Variants in KIAA0825 observed in about 807,000 individuals in gnomAD.
The protein encoded by KIAA0825 is KIAA0825.
KIAA0825 carries 119 observed loss-of-function variants against 147.6 expected under a neutral mutation model. The observed-to-expected ratio is 0.81, with a 90% CI of 0.69 to 0.94. The LOEUF is 0.94. KIAA0825 is among the 40% of genes least tolerant of loss of function. KIAA0825 has a pLI of 0.00. For missense variants in KIAA0825, 1,381 were observed against 1,472.7 expected (o/e 0.94, Z 1.02); for synonymous variants, 470 against 518.1 (o/e 0.91, Z 1.26).
chr5:94,271,653 C>T (rs965613736), intron 20 of KIAA0825, among the ~76,000 whole-genome samples: 5 of 152,006 alleles, frequency 3.3e-5, no homozygotes, highest in East Asian at 3.9e-4. Context: ...GAGGCTGAGG[C>T]GGGAGAATCG....
intron 20 of KIAA0825, among the ~76,000 whole-genome samples, chr5:94,285,429 T>A (rs1035965512): frequency 6.6e-6 from 1 of 152,174 alleles, no homozygotes; most frequent in South Asian, 2.1e-4. Context: ...AGAAATCTAG[T>A]CCATTCTCAT....
chr5:94,591,090 A>G (rs1299769765), intron 1 of KIAA0825, among the ~76,000 whole-genome samples: 1 of 152,202 alleles, frequency 6.6e-6, no homozygotes, highest in Non-Finnish European at 1.5e-5. Context: ...AAGAAGTTAT[A>G]TTATGGAGAA....
chr5:94,171,007 C>A (rs1204176490), intron 20 of KIAA0825, among the ~76,000 whole-genome samples: 1 of 152,116 alleles, frequency 6.6e-6, no homozygotes, highest in African/African-American at 2.4e-5. Flanking sequence ...CCTAAGGAGC[C>A]AAAAATCCCT....
At chr5:94,518,720 G>A (rs980821381) in intron 5 of KIAA0825, among the ~76,000 whole-genome samples, 8 of 152,086 alleles carry the variant, frequency 5.3e-5, no homozygotes, top group African/African-American at 1.9e-4. Context: ...TCAGATAAAG[G>A]AGCTTGGGAA....
intron 5 of KIAA0825, among the ~76,000 whole-genome samples, chr5:94,512,096 T>G (rs186427443): frequency 8.9e-4 from 135 of 152,248 alleles, no homozygotes; most frequent in African/African-American, 3.1e-3. Flanking sequence ...ATGAAAAATA[T>G]TCTATCATAA....
At chr5:94,614,997 T>C (rs994991877) in intron 1 of KIAA0825, among the ~76,000 whole-genome samples, 2 of 151,688 alleles carry the variant, frequency 1.3e-5, no homozygotes, top group African/African-American at 2.4e-5. Context: ...AGCAATCCTA[T>C]GGATCCATTT....
At chr5:94,500,135 G>A (rs1228526185) in intron 5 of KIAA0825, among the ~76,000 whole-genome samples, 1 of 152,096 alleles carries the variant, frequency 6.6e-6, no homozygotes, top group African/African-American at 2.4e-5. Context: ...GATGAGACTA[G>A]AGAATGCAGG....
intron 20 of KIAA0825, among the ~76,000 whole-genome samples, chr5:94,366,326 T>C (rs904635877): frequency 2.0e-5 from 3 of 152,194 alleles, no homozygotes; most frequent in Admixed American, 6.5e-5. Context: ...ATAGGCAGCA[T>C]CAGCTTCCTG....
In KIAA0825 at chr5:94,396,154, C is replaced by A; in HGVS notation, c.3243G>T (p.Lys1081Asn). 1 of 1,534,692 alleles carries A rather than the reference C, an allele frequency of 6.5e-7. No individual in the cohort carries two copies. The highest frequency in any genetic ancestry group is 8.8e-7 in the Non-Finnish European group (1 of 1,141,196). The part of the protein sequence containing the change: ...QKVIQSIEQQ[K>N]PNWIERQLLK... ...ACAATTGACGTTCAATCCAGTTGGG[C>A]TTCTGCTGCTCAATGCTCTGTATGA... Residue 1081 changes from lysine to asparagine, a missense_variant, in exon 17 of 21, where the codon AAG becomes AAT. Coordinates refer to ENST00000682413, the MANE Select transcript of KIAA0825 (RefSeq NM_001145678.3).
At chr5:94,599,396 C>A (rs1785935839) in intron 1 of KIAA0825, among the ~76,000 whole-genome samples, 1 of 136,332 alleles carries the variant, frequency 7.3e-6, no homozygotes. Flanking sequence ...ATGAGGGTTC[C>A]ATGAAAAGTT....
In KIAA0825 at chr5:94,391,683, G is replaced by T; in HGVS notation, c.3308C>A (p.Thr1103Lys). ...RKLSTECAFMTIEKSTALQEG... is the reference protein window; with the variant it reads ...RKLSTECAFMKIEKSTALQEG... Reference sequence around the variant, plus strand: ...TTGTAAGGCCGTGCTTTTCTCTATTGTCATAAATGCACTAAATACAAAGAA... The same window carrying T: ...TTGTAAGGCCGTGCTTTTCTCTATTTTCATAAATGCACTAAATACAAAGAA... Residue 1103 changes from threonine (T) to lysine (K), a missense_variant, in exon 18 of 21, where the codon ACA (threonine) becomes AAA (lysine). By Grantham distance (78) the Thr-to-Lys change is moderately conservative (BLOSUM62 -1). Coordinates refer to ENST00000682413, the MANE Select transcript of KIAA0825 (RefSeq NM_001145678.3). 2.6e-6 allele frequency: 4 copies of T among 1,540,878 alleles called. No individual in the cohort carries two copies. Among genetic ancestry groups the T allele is most frequent in the Non-Finnish European group, 3.5e-6 (4 of 1,142,030 alleles).
intron 12 of KIAA0825, among the ~76,000 whole-genome samples, chr5:94,454,628 T>C (rs755405632): frequency 2.4e-4 from 37 of 152,172 alleles, no homozygotes; most frequent in Non-Finnish European, 5.3e-4. Flanking sequence ...GGTACCAGGA[T>C]ATGTTTTTCT....
chr5:94,248,771 AC>A (rs1775774023), intron 20 of KIAA0825, among the ~76,000 whole-genome samples: 1 of 152,028 alleles, frequency 6.6e-6, no homozygotes, highest in South Asian at 2.1e-4. Context: ...CTAATGAACA[AC>A]CCTGAACTAC....
intron 15 of KIAA0825, chr5:94,414,418 G>T (rs1753173740): frequency 6.6e-6 from 1 of 152,076 alleles, no homozygotes; most frequent in Non-Finnish European, 1.5e-5. Context: ...ATGATTGTTA[G>T]CAAATTTATT....
intron 20 of KIAA0825, among the ~76,000 whole-genome samples, chr5:94,345,977 T>C (rs1177115018): frequency 6.6e-6 from 1 of 152,196 alleles, no homozygotes; most frequent in Non-Finnish European, 1.5e-5. Flanking sequence ...GCAGGGATTT[T>C]CACAATGCTT....
chr5:94,298,247 C>A lies in KIAA0825; in HGVS notation c.3710+86121G>T, dbSNP rs529438534. Among the ~76,000 whole-genome samples, 13 of 146,146 alleles carry A rather than the reference C, an allele frequency of 8.9e-5. 1 individual carries two copies. In the South Asian group the frequency reaches 1.5e-3, roughly 17 times the overall value. On this transcript the variant is annotated intron_variant, in intron 20 of 20. Coordinates refer to ENST00000682413, the MANE Select transcript of KIAA0825 (RefSeq NM_001145678.3). ...CGGGTGACAGTGCAAGACTCCGTCC[C>A]AAAAAAAAAAGTAAGAATGGCGGGT...
intron 20 of KIAA0825, among the ~76,000 whole-genome samples, chr5:94,182,425 AC>A (rs1367753791): frequency 6.6e-6 from 1 of 150,616 alleles, no homozygotes. Flanking sequence ...ACACCAGGCT[AC>A]TTTTTGTATT....
chr5:94,288,123 A>C (rs1029215207), intron 20 of KIAA0825, among the ~76,000 whole-genome samples: 2 of 152,098 alleles, frequency 1.3e-5, no homozygotes, highest in African/African-American at 4.8e-5. Flanking sequence ...CTTTCACCCA[A>C]AGTTTTTGAG....
intron 5 of KIAA0825, among the ~76,000 whole-genome samples, chr5:94,512,851 G>T (rs954055350): frequency 3.9e-5 from 6 of 152,020 alleles, no homozygotes; most frequent in African/African-American, 1.4e-4. Flanking sequence ...AGCTGAGATC[G>T]CATCACTGCA....
Sources: gnomAD v4.1 joint callset for allele counts (sites outside exome capture counted in the v4.1 genomes callset) on GRCh38, gnomAD v4.1.1 for gene constraint, MANE v1.5 for transcripts, NCBI Gene and HGNC (gene_info 2026-07-23, HGNC 2026-07-21) for gene names.